The following ASH1L variants were observed in gnomAD, a reference collection of about 807,000 sequenced individuals.
ASH1L encodes the protein ASH1 like histone lysine methyltransferase.
ASH1L carries 23 observed loss-of-function variants against 269.0 expected under a neutral mutation model. The ratio of observed to expected loss-of-function variants is 0.09; its 90% CI spans 0.06 to 0.12. The LOEUF (loss-of-function observed/expected upper bound fraction) is 0.12. Among genes scored for constraint, ASH1L ranks in the 10% least tolerant of loss-of-function variants. The pLI is 1.00. For synonymous variants in ASH1L, 1,187 were observed against 1,253.5 expected, an observed-to-expected ratio of 0.95 and a Z score of 1.12; for missense variants, 2,912 against 3,567.8, an observed-to-expected ratio of 0.82 and a Z score of 4.68.
At chr1:155,452,116 G>A (rs943675551) in intron 4 of ASH1L, among the ~76,000 whole-genome samples, 1 of 149,748 alleles carries the variant, frequency 6.7e-6, no homozygotes, top group Non-Finnish European at 1.5e-5. Context: ...TTGGCTCACT[G>A]CAACCTCCAC....
intron 16 of ASH1L, among the ~76,000 whole-genome samples, chr1:155,353,740 GA>G (rs1654124093): frequency 3.3e-5 from 5 of 152,182 alleles, no homozygotes; most frequent in Admixed American, 2.6e-4. Flanking sequence ...CTGAATGTGA[GA>G]AATGACCCGT....
intron 1 of ASH1L, among the ~76,000 whole-genome samples, chr1:155,527,832 C>A (rs1046185424): frequency 2.6e-5 from 4 of 152,108 alleles, no homozygotes; most frequent in African/African-American, 9.7e-5. Flanking sequence ...AGGCATGAGT[C>A]ACCGTGCCCA....
intron 1 of ASH1L, among the ~76,000 whole-genome samples, chr1:155,542,283 C>CT (rs1670474476): frequency 6.6e-6 from 1 of 152,178 alleles, no homozygotes; most frequent in Non-Finnish European, 1.5e-5. Context: ...CGCACGGTGG[C>CT]TTACGCCTGT....
chr1:155,484,316 C>T (rs1666149701), intron 2 of ASH1L, among the ~76,000 whole-genome samples: 1 of 151,520 alleles, frequency 6.6e-6, no homozygotes, highest in Non-Finnish European at 1.5e-5. Context: ...TGGTGAAACC[C>T]CATCTCTACT....
chr1:155,484,208 G>C (rs1360844638), intron 2 of ASH1L, among the ~76,000 whole-genome samples: 1 of 152,138 alleles, frequency 6.6e-6, no homozygotes, highest in African/African-American at 2.4e-5. Context: ...AAAGCAATAG[G>C]CCGGGCATGG....
chr1:155,454,754 G>C (rs1481283736), intron 4 of ASH1L, among the ~76,000 whole-genome samples: 1 of 152,066 alleles, frequency 6.6e-6, no homozygotes, highest in East Asian at 1.9e-4. Context: ...GGTGACAAGA[G>C]CGAGACTCTG....
At chr1:155,472,254 A>G (rs1221960359) in intron 3 of ASH1L, among the ~76,000 whole-genome samples, 5 of 152,156 alleles carry the variant, frequency 3.3e-5, no homozygotes, top group Admixed American at 2.0e-4. Flanking sequence ...TACGCCACTG[A>G]ACTCTAGCCT....
chr1:155,524,841 A>G (rs1283225668), intron 1 of ASH1L, among the ~76,000 whole-genome samples: 3 of 152,182 alleles, frequency 2.0e-5, no homozygotes, highest in African/African-American at 7.2e-5. Context: ...CCCTGTCTCA[A>G]AAAAACAAAT....
At chr1:155,447,281 G>A (rs562958933) in intron 4 of ASH1L, among the ~76,000 whole-genome samples, 1 of 152,198 alleles carries the variant, frequency 6.6e-6, no homozygotes, top group Admixed American at 6.5e-5. Context: ...GTCAAATTTT[G>A]TCAAATATGT....
intron 10 of ASH1L, among the ~76,000 whole-genome samples, chr1:155,377,854 T>C (rs1186853322): frequency 6.6e-6 from 1 of 151,988 alleles, no homozygotes. Context: ...ATCCCATCTC[T>C]ACTAAAAATA....
upstream of ASH1L, chr1:155,562,842 C>A (rs765653419): frequency 4.4e-5 from 22 of 497,892 alleles, no homozygotes; most frequent in South Asian, 2.6e-4. Flanking sequence ...CTCCTCCCCC[C>A]CCTTCCCCGC....
chr1:155,537,743 T>G (rs1319138474), intron 1 of ASH1L, among the ~76,000 whole-genome samples: 1 of 141,266 alleles, frequency 7.1e-6, no homozygotes, highest in African/African-American at 2.9e-5. Flanking sequence ...ACAGCATGAT[T>G]TTTTTTTTTT....
At position 155,438,792 on chromosome 1, in the gene ASH1L, C is replaced by T; in HGVS notation, c.5363G>A (p.Ser1788Asn). The change falls in exon 5 of 28, where the codon AGC (serine) becomes AAC (asparagine). Residue 1788 changes from serine to asparagine, a missense_variant. By Grantham distance (46) the Ser-to-Asn change is conservative. Around this residue, in one of 13 missense-constraint regions of ASH1L, gnomAD observed 789 missense variants for 897.6 expected, o/e 0.88. Coordinates refer to ENST00000392403, the MANE Select transcript of ASH1L (RefSeq NM_018489.3). The stretch of plus-strand genomic sequence containing the variant: ...CTTGATATGATGGGGGGAACAGCTG[C>T]TTGTCAACTTTTCAGATAGGAGTGA... Reference protein sequence around the residue: ...SISLLSEKLTSSCSPHHIKRS... With the variant: ...SISLLSEKLTNSCSPHHIKRS... The T allele has an allele frequency of 1.2e-6, 2 of 1,614,172 alleles. No individual in the cohort carries two copies. The highest frequency in any genetic ancestry group is 1.1e-5 in the South Asian group (1 of 91,084).
chr1:155,421,230 TAAA>T (rs67434918), intron 5 of ASH1L, among the ~76,000 whole-genome samples: 2 of 95,678 alleles, frequency 2.1e-5, no homozygotes, highest in Admixed American at 1.3e-4. Context: ...TTCTGTGTCT[TAAA>T]AAAAAAAAAA....
chr1:155,547,889 T>C (rs1670938564), intron 1 of ASH1L, among the ~76,000 whole-genome samples: 1 of 152,090 alleles, frequency 6.6e-6, no homozygotes, highest in African/African-American at 2.4e-5. Context: ...AGCAGGAGAA[T>C]GGCGTGAACC....
chr1:155,411,967 C>T (rs569998960), intron 6 of ASH1L, among the ~76,000 whole-genome samples: 13 of 152,096 alleles, frequency 8.5e-5, no homozygotes, highest in East Asian at 3.9e-4. Flanking sequence ...AGAGGCCGGG[C>T]GCTGTGGCTC....
intron 7 of ASH1L, among the ~76,000 whole-genome samples, chr1:155,385,861 T>TC (rs909836667): frequency 1.3e-5 from 2 of 152,046 alleles, no homozygotes; most frequent in African/African-American, 4.8e-5. Context: ...ATGGGGAAGC[T>TC]CCCCATTACT....
intron 2 of ASH1L, among the ~76,000 whole-genome samples, chr1:155,516,937 G>C (rs1343747348): frequency 1.3e-5 from 2 of 152,012 alleles, no homozygotes; most frequent in African/African-American, 4.8e-5. Flanking sequence ...ATAAAATATT[G>C]CTGAAAGAAA....
chr1:155,451,102 C>T (rs1162631910), intron 4 of ASH1L, among the ~76,000 whole-genome samples: 1 of 149,262 alleles, frequency 6.7e-6, no homozygotes, highest in Non-Finnish European at 1.5e-5. Flanking sequence ...GAGGCTAAGG[C>T]GGGAGAATCA....
Sources: allele counts gnomAD v4.1 joint callset (sites outside exome capture counted in the v4.1 genomes callset), GRCh38; gene constraint gnomAD v4.1.1; regional missense constraint gnomAD v4.1.1; transcripts MANE v1.5; gene names NCBI Gene and HGNC (gene_info 2026-07-23, HGNC 2026-07-21).